Variants in ITGA1 observed in about 807,000 individuals in gnomAD.
ITGA1 encodes the protein integrin subunit alpha 1.
ITGA1 carries 85 observed loss-of-function variants against 145.9 expected under a neutral mutation model. The observed-to-expected ratio is 0.58, with a 90% CI of 0.49 to 0.70. The LOEUF (loss-of-function observed/expected upper bound fraction) is 0.70. Among genes scored for constraint, ITGA1 ranks in the 30% least tolerant of loss-of-function variants. The pLI, the probability that ITGA1 is intolerant of heterozygous loss-of-function variation, is 0.00. For synonymous variants in ITGA1, 520 were observed against 495.3 expected, an observed-to-expected ratio of 1.05 and a Z score of -0.66; for missense variants, 1,351 against 1,418.7, an observed-to-expected ratio of 0.95 and a Z score of 0.77.
At chr5:52,887,292 T>C (rs1269429291) in intron 7 of ITGA1, among the ~76,000 whole-genome samples, 1 of 152,090 alleles carries the variant, frequency 6.6e-6, no homozygotes, top group Non-Finnish European at 1.5e-5. Flanking sequence ...TCTCAAGCAC[T>C]CACAGCCCCA....
Position 52,915,980 on chromosome 5 carries a change from CAG to C in ITGA1, c.1988+388_1988+389del, listed in dbSNP as rs112706942. ...TATTCATTTACCTGATACATAGAAA[CAG>C]ATAATCGCGTAGCACTCTCTGACTC... is the stretch of plus-strand genomic sequence containing the variant. On this transcript the variant is annotated intron_variant, in intron 15 of 28. Transcript: ENST00000282588. 1.2e-3 allele frequency among the ~76,000 whole-genome samples: 181 copies of C among 152,228 alleles called. 3 individuals carry two copies. In the Middle Eastern group the frequency reaches 0.014, roughly 12 times the overall value.
chr5:52,950,120 A>G (rs2111914249), intron 28 of ITGA1, among the ~76,000 whole-genome samples: 2 of 152,286 alleles, frequency 1.3e-5, no homozygotes, highest in South Asian at 4.1e-4. Context: ...GATTGATGGG[A>G]GGAATCTTGT....
In ITGA1 at chr5:52,890,309, T is replaced by C. The variant is rs371808368; in HGVS notation, c.924+2344T>C. Among the ~76,000 whole-genome samples the C allele has an allele frequency of 1.5e-3, 223 of 152,260 alleles. 2 individuals carry two copies. In the South Asian group the frequency reaches 0.036, roughly 24 times the overall value. The stretch of plus-strand genomic sequence containing the variant: ...ATTGTTTTTAACATTTTAAAAAGAG[T>C]GTAATGCTGTATATAATATTTTGGA... On this transcript the variant is annotated intron_variant, in intron 8 of 28. Transcript: ENST00000282588.
At chr5:52,788,574 T>A (rs774266518) in intron 1 of ITGA1, among the ~76,000 whole-genome samples, 160 bp downstream of exon 1, 2 of 152,130 alleles carry the variant, frequency 1.3e-5, no homozygotes, top group Non-Finnish European at 2.9e-5. Context: ...CAGGCAGGAG[T>A]TTCGCGTTCT....
At chr5:52,932,006 A>G in intron 21 of ITGA1, 41 bp from the exon 22 acceptor site, 1 of 1,200,748 alleles carries the variant, frequency 8.3e-7, no homozygotes, top group Non-Finnish European at 1.2e-6. Flanking sequence ...TAAATAGTCA[A>G]GATTTTAATG....
intron 12 of ITGA1, among the ~76,000 whole-genome samples, chr5:52,906,334 T>TA (rs1750406768): frequency 6.6e-6 from 1 of 152,142 alleles, no homozygotes. Flanking sequence ...AAGAGAAAGT[T>TA]AAAAAGATAA....
chr5:52,888,333 G>T (rs915093687), intron 8 of ITGA1, among the ~76,000 whole-genome samples: 1 of 152,096 alleles, frequency 6.6e-6, no homozygotes, highest in Admixed American at 6.6e-5. Context: ...GGGTGGGAAG[G>T]CGGGAAAAAT....
intron 1 of ITGA1, among the ~76,000 whole-genome samples, chr5:52,789,177 T>C (rs1748190822): frequency 6.6e-6 from 1 of 152,044 alleles, no homozygotes; most frequent in Non-Finnish European, 1.5e-5. Flanking sequence ...ATTTTCCCAA[T>C]AATGAACTCA....
At chr5:52,913,563 C>A (rs192399338) in intron 14 of ITGA1, among the ~76,000 whole-genome samples, 113 of 152,160 alleles carry the variant, frequency 7.4e-4, no homozygotes, top group Non-Finnish European at 1.3e-3. Context: ...GCTTAATGCA[C>A]TACACTATAA....
At chr5:52,909,182 C>A in intron 13 of ITGA1, 141 bp downstream of exon 13, 2 of 791,162 alleles carry the variant, frequency 2.5e-6, no homozygotes, top group Non-Finnish European at 2.0e-6. Flanking sequence ...ACCAACCCCT[C>A]AGTTTTGAAA....
At chr5:52,887,697 T>C (rs1750076262) in intron 7 of ITGA1, 118 bp from the exon 8 acceptor site, 2 of 885,464 alleles carry the variant, frequency 2.3e-6, no homozygotes, top group Admixed American at 5.6e-5. Context: ...GCATTGATGC[T>C]AATTTTGGAG....
intron 6 of ITGA1, among the ~76,000 whole-genome samples, chr5:52,876,267 T>C (rs1475902757): frequency 5.3e-5 from 8 of 151,572 alleles, no homozygotes; most frequent in African/African-American, 1.9e-4. Context: ...CTCTGTTGAA[T>C]TGAATCTCAC....
chr5:52,912,283 T>C (rs1385526829), intron 14 of ITGA1, among the ~76,000 whole-genome samples: 1 of 145,234 alleles, frequency 6.9e-6, no homozygotes, highest in Non-Finnish European at 1.5e-5. Flanking sequence ...ATATACTATA[T>C]ATATTATCTA....
intron 18 of ITGA1, 83 bp from the exon 19 acceptor site, chr5:52,925,194 GC>G: frequency 1.0e-6 from 1 of 984,026 alleles, no homozygotes; most frequent in Non-Finnish European, 1.6e-6. Flanking sequence ...TTGGCTGTAT[GC>G]CATTTTTGTT....
At chr5:52,794,306 AT>A (rs1382276247) in intron 1 of ITGA1, among the ~76,000 whole-genome samples, 2 of 151,978 alleles carry the variant, frequency 1.3e-5, no homozygotes, top group Non-Finnish European at 2.9e-5. Flanking sequence ...TTTGTTACAA[AT>A]CATATATCCT....
At position 52,909,578 on chromosome 5, in the gene ITGA1, G is replaced by A. The variant is rs549694318; in HGVS notation, c.1599+537G>A. ...TGTTTTGCTCTTTATAGCAAAGCCA[G>A]TGTTTATCTATTTAGCTTTTCCAAA... is the stretch of plus-strand genomic sequence containing the variant. On this transcript the variant is annotated intron_variant, in intron 13 of 28. Transcript: ENST00000282588. Among the ~76,000 whole-genome samples the A allele has an allele frequency of 3.3e-5, 5 of 152,256 alleles. No homozygotes were observed. In the East Asian group the frequency reaches 5.8e-4, roughly 18 times the overall value.
chr5:52,917,152 C>G (rs981788319), intron 15 of ITGA1, among the ~76,000 whole-genome samples: 1 of 152,188 alleles, frequency 6.6e-6, no homozygotes, highest in Admixed American at 6.5e-5. Context: ...CCTGGACTGA[C>G]TCCCAAGAAA....
At chr5:52,861,756 G>C (rs1175386668) in intron 3 of ITGA1, among the ~76,000 whole-genome samples, 197 bp downstream of exon 3, 1 of 151,394 alleles carries the variant, frequency 6.6e-6, no homozygotes, top group Non-Finnish European at 1.5e-5. Flanking sequence ...TGTAGTCCCA[G>C]CTACTCAAGA....
At chr5:52,863,738 C>T (rs1221322313) in intron 3 of ITGA1, among the ~76,000 whole-genome samples, 1 of 152,158 alleles carries the variant, frequency 6.6e-6, no homozygotes, top group African/African-American at 2.4e-5. Flanking sequence ...ATTTTAGCCA[C>T]ATCAAGTACA....
Sources: allele counts gnomAD v4.1 joint callset (sites outside exome capture counted in the v4.1 genomes callset), GRCh38; gene constraint gnomAD v4.1.1; transcripts MANE v1.5; gene names NCBI Gene and HGNC (gene_info 2026-07-23, HGNC 2026-07-21).